The following ADAM29 variants were observed in gnomAD, a reference collection of about 807,000 sequenced individuals.
The protein encoded by ADAM29 is ADAM metallopeptidase domain 29.
For missense variants in ADAM29, 969 were observed against 1,001.8 expected (o/e 0.97, Z 0.44); for synonymous variants, 367 against 342.3 (o/e 1.07, Z -0.80).
intron 2 of ADAM29, among the ~76,000 whole-genome samples, chr4:174,928,332 C>T (rs1179612918): frequency 6.6e-6 from 1 of 151,910 alleles, no homozygotes; most frequent in Admixed American, 6.6e-5. Flanking sequence ...TGACCGCATC[C>T]TGGAGATGTT....
At chr4:174,938,251 G>A (rs1168148375) in intron 4 of ADAM29, among the ~76,000 whole-genome samples, 1 of 152,046 alleles carries the variant, frequency 6.6e-6, no homozygotes, top group African/African-American at 2.4e-5. Flanking sequence ...AGTCTACTAG[G>A]TAGCATGAAT....
At chr4:174,938,975 G>A (rs1288493145) in intron 4 of ADAM29, among the ~76,000 whole-genome samples, 1 of 152,076 alleles carries the variant, frequency 6.6e-6, no homozygotes, top group Non-Finnish European at 1.5e-5. Flanking sequence ...GGGTCTCCAC[G>A]TGGCCTTCTC....
At position 174,975,652 on chromosome 4, in the gene ADAM29, A is replaced by G; in HGVS notation, c.127A>G (p.Thr43Ala). 6.2e-7 allele frequency: 1 copy of G among 1,613,146 alleles called. No individual in the cohort carries two copies. Among genetic ancestry groups the G allele is most frequent in the Non-Finnish European group, 8.5e-7 (1 of 1,179,574 alleles). Residue 43 changes from threonine to alanine, a missense_variant, in exon 5 of 5, where the codon ACC (threonine) becomes GCC (alanine). Thr to Ala is a moderately conservative substitution (Grantham distance 58). Coordinates refer to ENST00000359240, the MANE Select transcript of ADAM29 (RefSeq NM_014269.4). ...GATTCCTGTGAGGATAACTGGCACC[A>G]CCAGAGGCATGACACCTCCAGGCTG... ...VVIPVRITGT[T>A]RGMTPPGWLS...
intron 3 of ADAM29, among the ~76,000 whole-genome samples, chr4:174,935,589 G>T (rs1744159767): frequency 6.6e-6 from 1 of 152,006 alleles, no homozygotes; most frequent in African/African-American, 2.4e-5. Flanking sequence ...TATTTAGGAA[G>T]CAATATAAAA....
At chr4:174,953,060 G>A (rs530359992) in intron 4 of ADAM29, among the ~76,000 whole-genome samples, 18 of 152,290 alleles carry the variant, frequency 1.2e-4, no homozygotes, top group African/African-American at 4.1e-4. Flanking sequence ...GCCAAGGCAG[G>A]TGGATCACAA....
chr4:174,958,048 T>C (rs1239054836), intron 4 of ADAM29, among the ~76,000 whole-genome samples: 1 of 151,770 alleles, frequency 6.6e-6, no homozygotes, highest in East Asian at 1.9e-4. Context: ...ATGATTTAGA[T>C]TCTTTTAAAT....
At chr4:174,975,178 T>G (rs539610079) in intron 4 of ADAM29, among the ~76,000 whole-genome samples, 168 bp from the exon 5 acceptor site, 1 of 152,320 alleles carries the variant, frequency 6.6e-6, no homozygotes, top group African/African-American at 2.4e-5. Context: ...CTTTTCCCTA[T>G]CAATATTTCA....
chr4:174,974,489 A>T (rs145975943), intron 4 of ADAM29, among the ~76,000 whole-genome samples: 2 of 152,156 alleles, frequency 1.3e-5, no homozygotes, highest in African/African-American at 4.8e-5. Context: ...TTGTCCATTG[A>T]CTTGTTTCAG....
chr4:174,975,361 GGTT>G lies in ADAM29; in HGVS notation c.-164_-162del, dbSNP rs746007673. The G allele has an allele frequency of 8.0e-6, 4 of 502,956 alleles. No individual in the cohort carries two copies. The highest frequency in any genetic ancestry group is 6.4e-5 in the East Asian group (2 of 31,084). 31.2% of individuals were successfully genotyped at this position (502,956 alleles called of 1,614,324 possible). A position where few individuals can be genotyped will look rare whatever the true frequency, so the allele number is the denominator to read the frequency against. On this transcript the variant is annotated 5_prime_UTR_variant, in exon 5 of 5. Transcript: ENST00000359240. ...TTACTTATAGTGCTGCAGCTCTGAT[GGTT>G]CAACTCTGCCAAAAGATGGATCTTT...
chr4:174,951,622 T>TAG (rs1553974627), intron 4 of ADAM29, among the ~76,000 whole-genome samples: 4 of 152,216 alleles, frequency 2.6e-5, no homozygotes, highest in Non-Finnish European at 5.9e-5. Context: ...TGTCATTTAC[T>TAG]TTATATATCA....
intron 4 of ADAM29, among the ~76,000 whole-genome samples, chr4:174,969,723 G>A (rs1283970490): frequency 6.6e-6 from 1 of 151,850 alleles, no homozygotes; most frequent in East Asian, 1.9e-4. Flanking sequence ...ATTTTGATGT[G>A]TCAGTTAATA....
chr4:174,921,990 A>G (rs1018747142), intron 2 of ADAM29, among the ~76,000 whole-genome samples: 3 of 152,206 alleles, frequency 2.0e-5, no homozygotes, highest in East Asian at 1.9e-4. Flanking sequence ...TTCAAACTCA[A>G]TTGAAATCAC....
chr4:174,977,133 C>T lies in ADAM29; in HGVS notation c.1608C>T (p.Ile536=), dbSNP rs771252650. ...GTGACCGTGTTGGTCACTGTGGTAT[C>T]AAAAATGCTACATATATAAAGTGTA... is the stretch of plus-strand genomic sequence containing the variant. ...TLGDRVGHCG[I]KNATYIKCNI... is the part of the protein sequence containing the mutation. The change falls in exon 5 of 5, where the codon ATC becomes ATT. Residue 536 remains isoleucine, a synonymous_variant. Coordinates refer to ENST00000359240, the MANE Select transcript of ADAM29 (RefSeq NM_014269.4). 31 of 1,613,864 alleles carry T rather than the reference C, an allele frequency of 1.9e-5. No homozygotes were observed. Among genetic ancestry groups the T allele is most frequent in the Non-Finnish European group, 3.4e-6 (4 of 1,179,994 alleles).
chr4:174,966,795 G>T (rs184369787), intron 4 of ADAM29, among the ~76,000 whole-genome samples: 27 of 152,244 alleles, frequency 1.8e-4, no homozygotes, highest in African/African-American at 6.5e-4. Context: ...TCTCTGAATT[G>T]CCTTTGGGAT....
intron 2 of ADAM29, among the ~76,000 whole-genome samples, chr4:174,921,634 C>T (rs1032651080): frequency 2.3e-4 from 35 of 151,984 alleles, no homozygotes; most frequent in Non-Finnish European, 4.3e-4. Flanking sequence ...AATGTCAACT[C>T]ACATATATTT....
At chr4:174,956,892 A>T (rs984455664) in intron 4 of ADAM29, among the ~76,000 whole-genome samples, 1 of 151,876 alleles carries the variant, frequency 6.6e-6, no homozygotes, top group Non-Finnish European at 1.5e-5. Flanking sequence ...AAACCATATG[A>T]TTCCTAAAAG....
At chr4:174,934,932 A>G (rs1744115963) in intron 3 of ADAM29, among the ~76,000 whole-genome samples, 1 of 152,202 alleles carries the variant, frequency 6.6e-6, no homozygotes. Context: ...CTAAAGCAAA[A>G]TTAATACTTT....
Position 174,977,555 on chromosome 4 carries a change from G to A in ADAM29, c.2030G>A (p.Cys677Tyr). Residue 677 changes from cysteine (C) to tyrosine (Y), a missense_variant, in exon 5 of 5, where the codon TGT becomes TAT. By Grantham distance (194) the Cys-to-Tyr change is radical (BLOSUM62 -2). Transcript: ENST00000359240. ...PPKRKKKKKF[C>Y]YLCILLLIVL... The stretch of plus-strand genomic sequence containing the variant: ...AAGAGAAAGAAGAAAAAGAAGTTCT[G>A]TTATCTGTGTATATTGTTGCTTATT... 6.2e-7 allele frequency: 1 copy of A among 1,614,060 alleles called. No homozygotes were observed. Among genetic ancestry groups the A allele is most frequent in the South Asian group, 1.1e-5 (1 of 91,080 alleles).
chr4:174,928,099 C>G (rs895162195), intron 2 of ADAM29, among the ~76,000 whole-genome samples: 3 of 152,078 alleles, frequency 2.0e-5, no homozygotes, highest in Non-Finnish European at 2.9e-5. Flanking sequence ...CTGCTTAAAA[C>G]GTTTTCCCTA....
Sources: gnomAD v4.1 joint callset for allele counts (sites outside exome capture counted in the v4.1 genomes callset) on GRCh38, gnomAD v4.1.1 for gene constraint, MANE v1.5 for transcripts, NCBI Gene and HGNC (gene_info 2026-07-23, HGNC 2026-07-21) for gene names.